Variants in ADAM12 observed in about 807,000 individuals in gnomAD.
ADAM12 encodes ADAM metallopeptidase domain 12, also known as disintegrin and metalloproteinase domain-containing protein 12.
A neutral mutation model predicts 106.4 loss-of-function variants in ADAM12; 70 were observed. The observed-to-expected ratio is 0.66, with a 90% CI of 0.54 to 0.80. The LOEUF (loss-of-function observed/expected upper bound fraction) is 0.80. Ranked by LOEUF, ADAM12 falls within the 30% of genes least tolerant of loss-of-function variation. The pLI, the probability that ADAM12 is intolerant of heterozygous loss-of-function variation, is 0.00. For synonymous variants in ADAM12, 420 were observed against 433.5 expected, an observed-to-expected ratio of 0.97 and a Z score of 0.39; for missense variants, 1,010 against 1,171.9, an observed-to-expected ratio of 0.86 and a Z score of 2.02.
intron 3 of ADAM12, among the ~76,000 whole-genome samples, chr10:126,171,809 C>A (rs912507304): frequency 1.3e-5 from 2 of 152,158 alleles, no homozygotes; most frequent in African/African-American, 2.4e-5. Context: ...GTAAAAGGAC[C>A]CAGCAAGTAG....
At chr10:126,118,999 T>C (rs182251999) in intron 5 of ADAM12, among the ~76,000 whole-genome samples, 1 of 152,320 alleles carries the variant, frequency 6.6e-6, no homozygotes, top group African/African-American at 2.4e-5. Context: ...TCAGCCCTAT[T>C]CCCTAAATAT....
intron 3 of ADAM12, among the ~76,000 whole-genome samples, chr10:126,188,479 G>A (rs572057446): frequency 6.6e-6 from 1 of 152,072 alleles, no homozygotes; most frequent in African/African-American, 2.4e-5. Flanking sequence ...TTCCTTCAGG[G>A]TTACTTTAAA....
intron 1 of ADAM12, among the ~76,000 whole-genome samples, chr10:126,335,193 T>C (rs920938761): frequency 6.6e-6 from 1 of 152,234 alleles, no homozygotes; most frequent in Non-Finnish European, 1.5e-5. Flanking sequence ...TGGATGCCAG[T>C]GGGCATCCTC....
chr10:126,194,377 G>T (rs1957560622), intron 3 of ADAM12, among the ~76,000 whole-genome samples: 1 of 151,592 alleles, frequency 6.6e-6, no homozygotes, highest in African/African-American at 2.4e-5. Context: ...CAAATAAAAG[G>T]CAAGGAATCA....
intron 1 of ADAM12, among the ~76,000 whole-genome samples, chr10:126,361,419 G>C (rs903030080): frequency 9.4e-5 from 13 of 138,592 alleles, no homozygotes; most frequent in Admixed American, 7.1e-5. Context: ...ATTTTTTATA[G>C]AAATAGAAAA....
intron 3 of ADAM12, among the ~76,000 whole-genome samples, chr10:126,250,452 G>A (rs1376415721): frequency 6.6e-6 from 1 of 152,116 alleles, no homozygotes; most frequent in Non-Finnish European, 1.5e-5. Flanking sequence ...TTTAGGCAGG[G>A]AATATTCTGA....
rs1828974456 is a variant in ADAM12 at position 126,357,137 on chromosome 10, A to G, written c.89-26628T>C. 2.6e-5 allele frequency among the ~76,000 whole-genome samples: 4 copies of G among 152,236 alleles called. No homozygotes were observed. In the South Asian group the frequency reaches 8.3e-4, roughly 31 times the overall value. On this transcript the variant is annotated intron_variant, in intron 1 of 22. Transcript: ENST00000448723. ...AGAAGTTTCCAATCAAATTCAACCC[A>G]AGGAGGAGTCCACCATAACACATAT...
intron 1 of ADAM12, among the ~76,000 whole-genome samples, chr10:126,368,351 G>C (rs1431969986): frequency 1.6e-5 from 2 of 126,152 alleles, no homozygotes; most frequent in Non-Finnish European, 3.3e-5. Flanking sequence ...TAGATTGTGT[G>C]ATTTGTTTTT....
chr10:126,094,299 T>G (rs572683878), intron 10 of ADAM12, among the ~76,000 whole-genome samples, 166 bp from the exon 11 acceptor site: 1 of 152,324 alleles, frequency 6.6e-6, no homozygotes, highest in Admixed American at 6.5e-5. Context: ...CTTAAAAAGA[T>G]ATAATTTGAC....
intron 6 of ADAM12, among the ~76,000 whole-genome samples, chr10:126,114,381 C>G (rs1036039573): frequency 1.3e-5 from 2 of 152,176 alleles, no homozygotes; most frequent in Admixed American, 1.3e-4. Context: ...CACTAGGAAT[C>G]CACACCTGGA....
At chr10:126,364,942 G>A (rs1035075417) in intron 1 of ADAM12, among the ~76,000 whole-genome samples, 5 of 152,164 alleles carry the variant, frequency 3.3e-5, no homozygotes, top group Admixed American at 3.3e-4. Context: ...GAATAGTGAT[G>A]TATATAAGAG....
intron 3 of ADAM12, among the ~76,000 whole-genome samples, chr10:126,260,898 C>A (rs1329236343): frequency 6.6e-6 from 1 of 152,144 alleles, no homozygotes; most frequent in East Asian, 1.9e-4. Flanking sequence ...AATTGGCCCT[C>A]CGCATCCTGG....
At chr10:126,238,412 G>C (rs1480824896) in intron 3 of ADAM12, among the ~76,000 whole-genome samples, 1 of 152,166 alleles carries the variant, frequency 6.6e-6, no homozygotes, top group East Asian at 1.9e-4. Context: ...CCAGGAGGCG[G>C]AGATTGCAGT....
intron 7 of ADAM12, 32 bp from the exon 8 acceptor site, chr10:126,108,696 A>C: frequency 6.4e-7 from 1 of 1,566,624 alleles, no homozygotes; most frequent in East Asian, 2.2e-5. Context: ...CATTAATACC[A>C]GCAAGAATAT....
At chr10:126,240,350 T>C (rs923396116) in intron 3 of ADAM12, among the ~76,000 whole-genome samples, 1 of 152,244 alleles carries the variant, frequency 6.6e-6, no homozygotes, top group Non-Finnish European at 1.5e-5. Context: ...TGACAGAAGT[T>C]GCACCTGTGC....
intron 3 of ADAM12, among the ~76,000 whole-genome samples, chr10:126,156,771 C>T (rs1047631354): frequency 2.0e-5 from 3 of 152,142 alleles, no homozygotes; most frequent in Admixed American, 6.5e-5. Flanking sequence ...AGGCCCAGGA[C>T]AGGGTGGAAG....
intron 2 of ADAM12, 94 bp downstream of exon 2, chr10:126,330,318 G>T: frequency 9.3e-7 from 1 of 1,078,198 alleles, no homozygotes; most frequent in Non-Finnish European, 1.4e-6. Flanking sequence ...ATTAAAGTGA[G>T]TAGAGACAAC....
chr10:126,090,057 T>A (rs1955433178), intron 11 of ADAM12, among the ~76,000 whole-genome samples: 1 of 152,154 alleles, frequency 6.6e-6, no homozygotes, highest in Non-Finnish European at 1.5e-5. Context: ...CCCAAAGTGC[T>A]GAGATTACAG....
At chr10:126,368,029 A>G (rs1187474915) in intron 1 of ADAM12, among the ~76,000 whole-genome samples, 1 of 151,956 alleles carries the variant, frequency 6.6e-6, no homozygotes, top group Admixed American at 6.6e-5. Context: ...ATTAGGTAAT[A>G]AACCCAGATC....
Sources: gnomAD v4.1 joint callset for allele counts (sites outside exome capture counted in the v4.1 genomes callset) on GRCh38, gnomAD v4.1.1 for gene constraint, MANE v1.5 for transcripts, NCBI Gene and HGNC (gene_info 2026-07-23, HGNC 2026-07-21) for gene names.